The following COBLL1 variants were observed in gnomAD, a reference collection of about 807,000 sequenced individuals.
COBLL1 encodes the protein cordon-bleu protein-like 1.
In COBLL1, 50 loss-of-function variants were observed where a neutral mutation model predicts 94.8. The ratio of observed to expected loss-of-function variants is 0.53; its 90% CI spans 0.42 to 0.67. The LOEUF is 0.67. Ranked by LOEUF, COBLL1 falls within the 30% of genes least tolerant of loss-of-function variation. The pLI is 0.00. For missense variants in COBLL1, 1,362 were observed against 1,348.7 expected (o/e 1.01, Z -0.15); for synonymous variants, 448 against 473.8 (o/e 0.95, Z 0.71).
At position 164,743,719 on chromosome 2, in the gene COBLL1, C is replaced by T. The variant is rs764768984; in HGVS notation, c.198G>A (p.Gly66=). 3 of 1,613,118 alleles carry T rather than the reference C, an allele frequency of 1.9e-6. No individual in the cohort carries two copies. Among genetic ancestry groups the T allele is most frequent in the Non-Finnish European group, 2.5e-6 (3 of 1,179,598 alleles). Residue 66 remains glycine (G), a synonymous_variant, in exon 3 of 14, where the codon GGG becomes GGA. Transcript: ENST00000652658. The stretch of plus-strand genomic sequence containing the variant: ...GAACAGTAGTAGATTTGATAATATC[C>T]CCAGGTAGGACCACTGAGAGTTCAA... The part of the protein sequence containing the change: ...KDVELSVVLP[G]DIIKSTTVHG...
intron 7 of COBLL1, among the ~76,000 whole-genome samples, chr2:164,717,150 T>G (rs1479683821): frequency 1.3e-5 from 2 of 152,200 alleles, no homozygotes; most frequent in African/African-American, 4.8e-5. Flanking sequence ...TATTAAAATG[T>G]GCTTTGGAGA....
chr2:164,674,334 C>T (rs1300235389), intron 1 of COBLL1, among the ~76,000 whole-genome samples: 1 of 152,284 alleles, frequency 6.6e-6, no homozygotes, highest in East Asian at 1.9e-4. Flanking sequence ...GCTGGCATTA[C>T]AGGCGTGAAC....
At chr2:164,658,313 T>C (rs192907008) in intron 2 of COBLL1, among the ~76,000 whole-genome samples, 1 of 152,240 alleles carries the variant, frequency 6.6e-6, no homozygotes, top group East Asian at 1.9e-4. Context: ...CTCTAACTGC[T>C]TCCTGTTGAA....
chr2:164,818,867 C>G (rs1026874112), intron 2 of COBLL1, among the ~76,000 whole-genome samples: 1 of 151,472 alleles, frequency 6.6e-6, no homozygotes, highest in African/African-American at 2.4e-5. Context: ...CTACTGGGCT[C>G]AAACAATCCT....
Position 164,694,591 on chromosome 2 carries a change from G to T in COBLL1, c.2801C>A (p.Thr934Asn), listed in dbSNP as rs376993750. The stretch of plus-strand genomic sequence containing the variant: ...AGCCTGACCGATGACATCATCATCA[G>T]TTTTTTCAACAAGGGGTTGTGGAAC... ...HSVPQPLVEKTDDDVIGQAPA... is the reference protein window; with the variant it reads ...HSVPQPLVEKNDDDVIGQAPA... The change falls in exon 12 of 14, where the codon ACT (threonine) becomes AAT (asparagine). Residue 934 changes from threonine to asparagine, a missense_variant. Transcript: ENST00000652658. 3.1e-6 allele frequency: 5 copies of T among 1,613,898 alleles called. No homozygotes were observed. Among genetic ancestry groups the T allele is most frequent in the African/African-American group, 1.3e-5 (1 of 75,018 alleles).
At chr2:164,796,975 T>C (rs991725839) in intron 2 of COBLL1, among the ~76,000 whole-genome samples, 22 of 152,128 alleles carry the variant, frequency 1.4e-4, no homozygotes, top group African/African-American at 5.3e-4. Context: ...ACCCTACCTC[T>C]AAAAAAATTT....
At chr2:164,714,195 TG>T (rs1685050654) in intron 7 of COBLL1, among the ~76,000 whole-genome samples, 1 of 151,046 alleles carries the variant, frequency 6.6e-6, no homozygotes, top group African/African-American at 2.4e-5. Context: ...AAAAATCCCA[TG>T]TTATTCCCCT....
At chr2:164,796,327 A>G in intron 2 of COBLL1, among the ~76,000 whole-genome samples, 1 of 152,194 alleles carries the variant, frequency 6.6e-6, no homozygotes, top group East Asian at 1.9e-4. Context: ...GACTGGGTAT[A>G]TATGAGGATG....
intron 13 of COBLL1, among the ~76,000 whole-genome samples, chr2:164,689,646 C>G (rs915146416): frequency 5.9e-5 from 9 of 152,088 alleles, no homozygotes; most frequent in African/African-American, 2.2e-4. Context: ...CCACTCATGT[C>G]AAGAGAAAAA....
intron 2 of COBLL1, among the ~76,000 whole-genome samples, chr2:164,822,254 C>G (rs755685861): frequency 4.6e-5 from 7 of 152,196 alleles, no homozygotes; most frequent in Non-Finnish European, 1.0e-4. Flanking sequence ...CTAATTGTCA[C>G]TGTTCATAAT....
chr2:164,764,963 G>A (rs1428263194), intron 2 of COBLL1, among the ~76,000 whole-genome samples: 5 of 151,958 alleles, frequency 3.3e-5, no homozygotes, highest in Non-Finnish European at 7.4e-5. Context: ...ATGAACAAGG[G>A]TTTCCTTTAA....
At chr2:164,805,407 T>C (rs1464339537) in intron 2 of COBLL1, among the ~76,000 whole-genome samples, 2 of 140,508 alleles carry the variant, frequency 1.4e-5, no homozygotes, top group Non-Finnish European at 3.1e-5. Flanking sequence ...GCTTTTTTAT[T>C]GGTTTTGAAA....
intron 1 of COBLL1, among the ~76,000 whole-genome samples, chr2:164,673,353 T>C (rs1691278319): frequency 6.6e-6 from 1 of 152,134 alleles, no homozygotes. Context: ...ACTTGGTGAA[T>C]GTTTTTAAGC....
At chr2:164,839,611 C>G (rs1683488823) in intron 2 of COBLL1, among the ~76,000 whole-genome samples, 1 of 152,150 alleles carries the variant, frequency 6.6e-6, no homozygotes, top group South Asian at 2.1e-4. Context: ...GTTTTTCTTT[C>G]TTTTTTGTTT....
intron 3 of COBLL1, among the ~76,000 whole-genome samples, chr2:164,737,549 A>G (rs567794966): frequency 1.3e-5 from 2 of 152,348 alleles, no homozygotes; most frequent in South Asian, 4.1e-4. Context: ...TAAGCATCTT[A>G]TATAGTTAAA....
intron 2 of COBLL1, among the ~76,000 whole-genome samples, chr2:164,816,009 A>C (rs1419735305): frequency 6.6e-6 from 1 of 152,194 alleles, no homozygotes; most frequent in Non-Finnish European, 1.5e-5. Flanking sequence ...ATAAAAAGAG[A>C]AATCTTGCAC....
At chr2:164,840,381 A>G (rs1006502859) in intron 2 of COBLL1, among the ~76,000 whole-genome samples, 3 of 152,034 alleles carry the variant, frequency 2.0e-5, no homozygotes, top group African/African-American at 7.3e-5. Context: ...ACTAAGACCA[A>G]GGTTATTTTC....
chr2:164,706,031 T>C (rs1301187122), intron 7 of COBLL1, among the ~76,000 whole-genome samples: 1 of 152,114 alleles, frequency 6.6e-6, no homozygotes, highest in African/African-American at 2.4e-5. Flanking sequence ...TGAAACTCCA[T>C]CTTGAAAAAA....
intron 2 of COBLL1, among the ~76,000 whole-genome samples, chr2:164,805,913 C>A (rs919606259): frequency 6.6e-6 from 1 of 152,168 alleles, no homozygotes; most frequent in African/African-American, 2.4e-5. Context: ...ACCAAACTGT[C>A]TTCCCAAGTG....
Sources: allele counts gnomAD v4.1 joint callset (sites outside exome capture counted in the v4.1 genomes callset), GRCh38; gene constraint gnomAD v4.1.1; transcripts MANE v1.5; gene names NCBI Gene and HGNC (gene_info 2026-07-23, HGNC 2026-07-21).